The following FLT4 variants were observed in gnomAD, a reference collection of about 807,000 sequenced individuals.
FLT4 encodes the protein fms related receptor tyrosine kinase 4.
In FLT4, 30 loss-of-function variants were observed where a neutral mutation model predicts 163.2. The observed-to-expected ratio is 0.18, with a 90% CI of 0.14 to 0.25. The LOEUF (loss-of-function observed/expected upper bound fraction) is 0.25. FLT4 is among the 10% of genes least tolerant of loss of function. The pLI is 1.00. For missense variants in FLT4, 1,510 were observed against 1,863.8 expected (o/e 0.81, Z 3.50); for synonymous variants, 884 against 789.5 (o/e 1.12, Z -2.01).
Position 180,629,287 on chromosome 5 carries a change from A to G in FLT4, c.957T>C (p.Phe319=). ...VCKANNGIQR[F]RESTEVIVHE... Reference sequence around the variant, plus strand: ...GCACAATGACCTCGGTGCTCTCCCGAAATCGCTGGATGCCGTTGTTGGCCT... The same window carrying G: ...GCACAATGACCTCGGTGCTCTCCCGGAATCGCTGGATGCCGTTGTTGGCCT... The change falls in exon 7 of 30, where the codon TTT becomes TTC. Residue 319 remains phenylalanine, a synonymous_variant. Transcript: ENST00000261937. 6.2e-7 allele frequency: 1 copy of G among 1,613,202 alleles called. No homozygotes were observed. Among genetic ancestry groups the G allele is most frequent in the Non-Finnish European group, 8.5e-7 (1 of 1,180,006 alleles).
rs115694040 is a variant in FLT4, at chr5:180,624,964, G to A, written c.1422-903C>T. The stretch of plus-strand genomic sequence containing the variant: ...GGCACACCCAGAAGGAAGGACATTT[G>A]GAGGTGCTGGCAGTGAGCTGCATGC... On this transcript the variant is annotated intron_variant, in intron 10 of 29. Coordinates refer to ENST00000261937, the MANE Select transcript of FLT4 (RefSeq NM_182925.5). 3.2e-3 allele frequency among the ~76,000 whole-genome samples: 491 copies of A among 152,320 alleles called. 4 individuals are homozygous for A. The highest frequency in any genetic ancestry group is 0.011 in the African/African-American group (459 of 41,576).
Position 180,618,728 on chromosome 5 carries a change from G to A in FLT4, c.3001+42C>T, listed in dbSNP as rs950976884. On this transcript the variant is annotated intron_variant, in intron 21 of 29. Transcript: ENST00000261937. ...GTGCCTGATCACGGGATATAACCGGGCCCGTCAGGCACTAGGAAAAGGGAA... is the reference window on the plus strand; with the variant it reads ...GTGCCTGATCACGGGATATAACCGGACCCGTCAGGCACTAGGAAAAGGGAA... The A allele has an allele frequency of 6.3e-5, 99 of 1,563,954 alleles. 1 individual carries two copies. The highest frequency in any genetic ancestry group is 3.7e-4 in the Admixed American group (20 of 53,410).
intron 1 of FLT4, among the ~76,000 whole-genome samples, chr5:180,640,155 C>A (rs1444479176): frequency 2.0e-5 from 3 of 152,182 alleles, no homozygotes; most frequent in Non-Finnish European, 4.4e-5. Flanking sequence ...TCCATGAGGG[C>A]CAGGCAGGGT....
intron 29 of FLT4, among the ~76,000 whole-genome samples, chr5:180,604,426 G>A (rs1157330948): frequency 1.3e-5 from 2 of 152,190 alleles, no homozygotes; most frequent in African/African-American, 4.8e-5. Flanking sequence ...GGAGCCAGCT[G>A]TGTCCTTGCC....
At chr5:180,619,806 C>CG (rs1285544746) in intron 17 of FLT4, 37 bp from the exon 18 acceptor site, 16 of 1,505,224 alleles carry the variant, frequency 1.1e-5, no homozygotes, top group African/African-American at 1.4e-5. Flanking sequence ...GTGAGCTGTA[C>CG]GGGGTGAGCG....
At chr5:180,619,867 GGCCTGGCAGCA>G (rs113640114) in intron 17 of FLT4, 98 bp from the exon 18 acceptor site, 2 of 897,312 alleles carry the variant, frequency 2.2e-6, no homozygotes, top group African/African-American at 1.6e-5. Context: ...CAGGAGGACA[GGCCTGGCAGCA>G]GGAGGAGCGT....
At position 180,626,278 on chromosome 5, in the gene FLT4, G is replaced by C. The variant is rs775057417; in HGVS notation, c.1104-13C>G. 1.9e-6 allele frequency: 3 copies of C among 1,610,656 alleles called. No individual in the cohort carries two copies. The South Asian group carries it at 3.3e-5, about 18-fold the overall frequency. ...TCCATCCTTGTACCTGGCCAGGGAA[G>C]GGAGGTCAGGGCCCATACAGATCCC... On this transcript the variant is annotated splice_polypyrimidine_tract_variant and intron_variant, in intron 8 of 29. Transcript: ENST00000261937.
intron 1 of FLT4, among the ~76,000 whole-genome samples, chr5:180,642,182 G>C (rs1474187173): frequency 6.6e-6 from 1 of 151,342 alleles, no homozygotes; most frequent in Non-Finnish European, 1.5e-5. Context: ...ACTCCAGCTT[G>C]GGCGACAGAG....
rs1199044530 is a variant in FLT4 at position 180,636,310 on chromosome 5, C to T, written c.59-4532G>A. ...TTGCTGTAGACCTCACTGTCCACTC[C>T]GAATGTCCCTTCCTGCCTTATGTGA... On this transcript the variant is annotated intron_variant, in intron 1 of 29. Transcript: ENST00000261937. This position sits in a 1 kb window ranked among gnomAD's most constrained non-coding sequence, Gnocchi z 4.3. Among the ~76,000 whole-genome samples the T allele has an allele frequency of 6.6e-6, 1 of 152,090 alleles. No individual in the cohort carries two copies. Among genetic ancestry groups the T allele is most frequent in the South Asian group, 2.1e-4 (1 of 4,820 alleles).
intron 1 of FLT4, among the ~76,000 whole-genome samples, chr5:180,637,596 G>A (rs1764786599): frequency 6.6e-6 from 1 of 152,006 alleles, no homozygotes; most frequent in African/African-American, 2.4e-5. Flanking sequence ...GCAGTGGCGT[G>A]ATCTCGGCTC....
At position 180,630,343 on chromosome 5, in the gene FLT4, G is replaced by C. The variant is rs1331266381; in HGVS notation, c.401-6C>G. 6.2e-7 allele frequency: 1 copy of C among 1,607,170 alleles called. No homozygotes were observed. Among genetic ancestry groups the C allele is most frequent in the Non-Finnish European group, 8.5e-7 (1 of 1,179,064 alleles). On this transcript the variant is annotated splice_polypyrimidine_tract_variant and splice_region_variant and intron_variant, in intron 3 of 29. Coordinates refer to ENST00000261937, the MANE Select transcript of FLT4 (RefSeq NM_182925.5). This position sits in a 1 kb window ranked among gnomAD's most constrained non-coding sequence, Gnocchi z 6.3. ...GATGAATGGCTGCTCAAAGTCTATG[G>C]AGAGGGAGCAAGCTGTTGGGGAAGG...
chr5:180,630,943 C>T lies in FLT4; in HGVS notation c.156-144G>A, dbSNP rs563921924. On this transcript the variant is annotated intron_variant, in intron 2 of 29. Transcript: ENST00000261937. This position sits in a 1 kb window ranked among gnomAD's most constrained non-coding sequence, Gnocchi z 6.3. ...CAGGGTTTGGGCGCACACTACAGAC[C>T]GTGCCCAGGGCAGGGCACTCCCCGA... 391 of 1,039,478 alleles carry T rather than the reference C, an allele frequency of 3.8e-4. 1 individual carries two copies. The highest frequency in any genetic ancestry group is 1.1e-3 in the Admixed American group (41 of 35,824). 64.4% of individuals were successfully genotyped at this position (1,039,478 alleles called of 1,614,324 possible).
At position 180,611,407 on chromosome 5, in the gene FLT4, T is replaced by G; in HGVS notation, c.3610A>C (p.Thr1204Pro). 2 of 1,613,962 alleles carry G rather than the reference T, an allele frequency of 1.2e-6. No individual in the cohort carries two copies. The highest frequency in any genetic ancestry group is 1.7e-6 in the Non-Finnish European group (2 of 1,179,956). Reference sequence around the variant, plus strand: ...GCCTGGGCGATGTGTAGGGCCATGGTGGACACCTGCGAGAAGCTGCCCTCT... The same window carrying G: ...GCCTGGGCGATGTGTAGGGCCATGGGGGACACCTGCGAGAAGCTGCCCTCT... ...SEEGSFSQVSTMALHIAQADA... is the reference protein window; with the variant it reads ...SEEGSFSQVSPMALHIAQADA... Residue 1204 changes from threonine to proline, a missense_variant, in exon 27 of 30, where the codon ACC becomes CCC. Physicochemically the swap from Thr to Pro is conservative, Grantham distance 38. Around this residue, in one of 5 missense-constraint regions of FLT4, gnomAD observed 295 missense variants for 311.0 expected, o/e 0.95. Coordinates refer to ENST00000261937, the MANE Select transcript of FLT4 (RefSeq NM_182925.5).
chr5:180,629,486 C>T (rs890308081), intron 6 of FLT4, 59 bp from the exon 7 acceptor site: 19 of 1,589,212 alleles, frequency 1.2e-5, no homozygotes, highest in South Asian at 4.4e-5. Flanking sequence ...GCTACCCCAC[C>T]GAAGGCACAC....
rs138638674 is a variant in FLT4, at chr5:180,602,210, G to C, written c.*982C>G. On this transcript the variant is annotated 3_prime_UTR_variant, in exon 30 of 30. Transcript: ENST00000261937. ...TGCCAGCCCCGAGCCTTCCTGAGTG[G>C]ATCCCACAGTGTTCATCTCTCATGA... 3.0e-3 allele frequency: 704 copies of C among 237,516 alleles called. 1 individual carries two copies. The highest frequency in any genetic ancestry group is 3.8e-3 in the Non-Finnish European group (460 of 121,226). 14.7% of individuals were successfully genotyped at this position (237,516 alleles called of 1,614,324 possible).
chr5:180,633,745 G>C (rs1375521221), intron 1 of FLT4, among the ~76,000 whole-genome samples: 2 of 152,166 alleles, frequency 1.3e-5, no homozygotes, highest in African/African-American at 2.4e-5. Flanking sequence ...GTGGTGGTCT[G>C]TCCTCAGAGC....
At chr5:180,649,610 G>A (rs1482050326), upstream of FLT4, 18 of 1,001,392 alleles carry the variant, frequency 1.8e-5, no homozygotes, top group South Asian at 4.3e-5. Flanking sequence ...TGTCCGCGCG[G>A]GCGCCGGCTG....
At chr5:180,621,956 C>T in intron 12 of FLT4, 52 bp from the exon 13 acceptor site, 1 of 1,605,698 alleles carries the variant, frequency 6.2e-7, no homozygotes, top group Non-Finnish European at 8.5e-7. Flanking sequence ...TTTGCTCCCC[C>T]ATCCACCTGC....
chr5:180,610,916 G>C (rs1762123946), intron 27 of FLT4, among the ~76,000 whole-genome samples: 1 of 152,204 alleles, frequency 6.6e-6, no homozygotes, highest in African/African-American at 2.4e-5. Flanking sequence ...AATTAGCCAG[G>C]CGTGGTGGCG....
Sources: allele counts gnomAD v4.1 joint callset (sites outside exome capture counted in the v4.1 genomes callset), GRCh38; gene constraint gnomAD v4.1.1; regional missense constraint gnomAD v4.1.1; non-coding constraint Gnocchi (gnomAD v3.1); transcripts MANE v1.5; gene names NCBI Gene and HGNC (gene_info 2026-07-23, HGNC 2026-07-21).